The following ANO4 variants were observed in gnomAD, a reference collection of about 807,000 sequenced individuals.
ANO4 encodes the protein anoctamin-4.
Under a neutral mutation model 141.9 loss-of-function variants are expected in ANO4, and 69 were observed. That is an observed-to-expected ratio of 0.49 (90% CI 0.40 to 0.59). ANO4 has a LOEUF of 0.59. Among genes scored for constraint, ANO4 ranks in the 20% least tolerant of loss-of-function variants. The pLI, the probability that ANO4 is intolerant of heterozygous loss-of-function variation, is 0.00. For missense variants in ANO4, 894 were observed against 1,162.2 expected (o/e 0.77, Z 3.36); for synonymous variants, 350 against 394.3 (o/e 0.89, Z 1.33).
intron 4 of ANO4, 132 bp downstream of exon 4, chr12:100,939,583 A>T: frequency 9.9e-7 from 1 of 1,011,822 alleles, no homozygotes; most frequent in African/African-American, 1.6e-5. Context: ...GACAGGTTTT[A>T]TATTCCTTTG....
chr12:100,817,945 T>A (rs1239416004), intron 1 of ANO4, among the ~76,000 whole-genome samples: 1 of 151,860 alleles, frequency 6.6e-6, no homozygotes, highest in East Asian at 1.9e-4. Context: ...TCATTACCTA[T>A]AAGGACATAG....
intron 4 of ANO4, among the ~76,000 whole-genome samples, chr12:100,940,001 A>G (rs148758320): frequency 5.5e-4 from 84 of 152,252 alleles, no homozygotes; most frequent in Admixed American, 3.4e-3. Context: ...TCCTTTGTAC[A>G]TGTACTGGGT....
At chr12:100,894,351 CTA>C (rs1345406751) in intron 1 of ANO4, among the ~76,000 whole-genome samples, 14 of 152,096 alleles carry the variant, frequency 9.2e-5, no homozygotes, top group African/African-American at 3.4e-4. Flanking sequence ...AAGCAACAAC[CTA>C]TCTTCAGGTC....
At position 100,948,010 on chromosome 12, in the gene ANO4, T is replaced by C. The variant is rs370215168; in HGVS notation, c.456+5475T>C. Reference sequence around the variant, plus strand: ...CATCCTGGCTAACATGGTGAAACCCTGTCTTTACTAAAAATACAACAACAA... The same window carrying C: ...CATCCTGGCTAACATGGTGAAACCCCGTCTTTACTAAAAATACAACAACAA... On this transcript the variant is annotated intron_variant, in intron 5 of 27. Transcript: ENST00000392977. Among the ~76,000 whole-genome samples, 3 of 152,074 alleles carry C rather than the reference T, an allele frequency of 2.0e-5. No homozygotes were observed. The South Asian group carries it at 6.2e-4, about 32-fold the overall frequency.
At position 100,753,655 on chromosome 12, in the gene ANO4, G is replaced by A. The variant is rs546462773; in HGVS notation, c.358+13550G>A. On this transcript the variant is annotated intron_variant, in intron 3 of 29. Transcript: ENST00000644049. ...TTTATATTAAGCCATAACCCACACT[G>A]TATTTTTTTCTCCCATTTTTCAGTT... 5.2e-4 allele frequency among the ~76,000 whole-genome samples: 79 copies of A among 152,196 alleles called. 1 individual carries two copies. Among genetic ancestry groups the A allele is most frequent in the African/African-American group, 1.8e-3 (75 of 41,522 alleles).
chr12:100,828,849 C>T (rs1189229387), intron 1 of ANO4, among the ~76,000 whole-genome samples: 1 of 151,894 alleles, frequency 6.6e-6, no homozygotes, highest in African/African-American at 2.4e-5. Context: ...AAAACCCCAT[C>T]TCTACTAAAA....
chr12:100,841,069 TA>T (rs1053935056), intron 1 of ANO4, among the ~76,000 whole-genome samples: 1 of 151,680 alleles, frequency 6.6e-6, no homozygotes, highest in Non-Finnish European at 1.5e-5. Context: ...GGAACACCTT[TA>T]AAAAAAAGAT....
At chr12:100,808,610 A>AT (rs1382205289) in intron 1 of ANO4, among the ~76,000 whole-genome samples, 3 of 152,116 alleles carry the variant, frequency 2.0e-5, no homozygotes, top group Non-Finnish European at 4.4e-5. Context: ...TTTGGCACGT[A>AT]TTTTTTAAAA....
chr12:100,954,663 AG>A (rs1289474101), intron 5 of ANO4, among the ~76,000 whole-genome samples: 1 of 152,198 alleles, frequency 6.6e-6, no homozygotes, highest in Non-Finnish European at 1.5e-5. Context: ...AGGCTATGCT[AG>A]CCCCATCTCT....
At chr12:100,860,061 G>C (rs553505118) in intron 1 of ANO4, among the ~76,000 whole-genome samples, 1 of 152,248 alleles carries the variant, frequency 6.6e-6, no homozygotes, top group Non-Finnish European at 1.5e-5. Context: ...GCACAAAGAA[G>C]CAGTTTAATG....
At chr12:100,949,828 G>T (rs898926784) in intron 5 of ANO4, among the ~76,000 whole-genome samples, 1 of 152,100 alleles carries the variant, frequency 6.6e-6, no homozygotes, top group African/African-American at 2.4e-5. Flanking sequence ...ATTCATCTGG[G>T]TATAAAGTTA....
At chr12:101,031,383 C>T (rs895338326) in intron 9 of ANO4, among the ~76,000 whole-genome samples, 1 of 152,200 alleles carries the variant, frequency 6.6e-6, no homozygotes, top group Admixed American at 6.5e-5. Context: ...TAAAATTCAA[C>T]AGCCCTTCAT....
chr12:100,988,865 T>G (rs1814853), intron 8 of ANO4, among the ~76,000 whole-genome samples: 1 of 131,668 alleles, frequency 7.6e-6, no homozygotes, highest in Non-Finnish European at 1.6e-5. Context: ...AGTGAGACTC[T>G]GTCTCAGAAA....
chr12:100,943,758 C>T (rs892035387), intron 5 of ANO4, among the ~76,000 whole-genome samples: 12 of 152,168 alleles, frequency 7.9e-5, no homozygotes, highest in Non-Finnish European at 1.3e-4. Context: ...TCCAGAAAAT[C>T]TTTCCTATAC....
intron 14 of ANO4, among the ~76,000 whole-genome samples, chr12:101,055,127 T>C (rs1213802268): frequency 6.6e-6 from 1 of 152,252 alleles, no homozygotes; most frequent in Non-Finnish European, 1.5e-5. Context: ...TAGAAACTAT[T>C]GGCTCTTCTA....
chr12:101,029,503 GC>G (rs1160854007), intron 9 of ANO4, among the ~76,000 whole-genome samples: 12 of 151,796 alleles, frequency 7.9e-5, no homozygotes, highest in African/African-American at 2.9e-4. Context: ...CAAATGGAAA[GC>G]AAAAAAAATG....
intron 26 of ANO4, among the ~76,000 whole-genome samples, chr12:101,121,708 G>A (rs2051099470): frequency 6.7e-6 from 1 of 148,170 alleles, no homozygotes; most frequent in African/African-American, 2.5e-5. Flanking sequence ...GTGTGCAGGT[G>A]TCCCCTTTTC....
intron 3 of ANO4, among the ~76,000 whole-genome samples, chr12:100,766,654 C>T (rs371144822): frequency 2.0e-5 from 3 of 152,078 alleles, no homozygotes; most frequent in African/African-American, 7.2e-5. Flanking sequence ...ACTTTATGGC[C>T]TAATATGTGA....
chr12:100,787,609 A>G (rs2033914913), intron 3 of ANO4, among the ~76,000 whole-genome samples: 2 of 152,136 alleles, frequency 1.3e-5, no homozygotes, highest in African/African-American at 2.4e-5. Context: ...TGAGACTATG[A>G]TATTCGCTCT....
Sources: allele counts gnomAD v4.1 joint callset (sites outside exome capture counted in the v4.1 genomes callset), GRCh38; gene constraint gnomAD v4.1.1; transcripts MANE v1.5; gene names NCBI Gene and HGNC (gene_info 2026-07-23, HGNC 2026-07-21).